AGO3: variants seen among roughly 807,000 people sequenced by gnomAD.
The protein encoded by AGO3 is argonaute RISC catalytic component 3.
Under a neutral mutation model 105.5 loss-of-function variants are expected in AGO3, and 16 were observed. The ratio of observed to expected loss-of-function variants is 0.15; its 90% CI spans 0.10 to 0.23. The LOEUF (loss-of-function observed/expected upper bound fraction) is 0.23. AGO3 is among the 10% of genes least tolerant of loss of function. The probability of loss-of-function intolerance (pLI) is 1.00; values close to 1 mark genes in which losing one functional copy is unlikely to be tolerated. For synonymous variants in AGO3, 340 were observed against 367.3 expected (o/e 0.93, Z 0.85); for missense variants, 534 against 1,088.0 (o/e 0.49, Z 7.16).
chr1:36,021,161 T>A (rs1279423626), intron 11 of AGO3, among the ~76,000 whole-genome samples: 1 of 152,126 alleles, frequency 6.6e-6, no homozygotes, highest in African/African-American at 2.4e-5. Flanking sequence ...CTCGAACTCC[T>A]GACCTTGTGA....
At chr1:35,969,833 C>A (rs1404804538) in intron 3 of AGO3, among the ~76,000 whole-genome samples, 1 of 152,134 alleles carries the variant, frequency 6.6e-6, no homozygotes, top group Non-Finnish European at 1.5e-5. Context: ...ATACTGTAGG[C>A]ACTTGTAAGA....
At chr1:35,941,957 TAAGA>T (rs1217074813) in intron 1 of AGO3, among the ~76,000 whole-genome samples, 2 of 152,216 alleles carry the variant, frequency 1.3e-5, no homozygotes, top group African/African-American at 2.4e-5. Context: ...ACAAGTTTCA[TAAGA>T]AAGAGGCAGA....
chr1:35,958,389 AAG>A (rs1384079570), intron 2 of AGO3, among the ~76,000 whole-genome samples: 1 of 151,858 alleles, frequency 6.6e-6, no homozygotes, highest in Non-Finnish European at 1.5e-5. Flanking sequence ...ATAAAAAAAA[AAG>A]AAAAATTTTT....
chr1:36,034,665 T>A (rs1267046605), intron 13 of AGO3, among the ~76,000 whole-genome samples: 2 of 152,224 alleles, frequency 1.3e-5, no homozygotes, highest in East Asian at 3.8e-4. Context: ...GTATGCAAAG[T>A]ACCTCTTACC....
chr1:35,973,023 A>G (rs1646896654), intron 4 of AGO3, among the ~76,000 whole-genome samples: 1 of 151,766 alleles, frequency 6.6e-6, no homozygotes, highest in African/African-American at 2.4e-5. Flanking sequence ...AAAGAAAAAT[A>G]GTATGTCTTG....
intron 17 of AGO3, among the ~76,000 whole-genome samples, chr1:36,044,547 C>T (rs1642384375): frequency 6.6e-6 from 1 of 152,118 alleles, no homozygotes; most frequent in South Asian, 2.1e-4. Context: ...CCTCAGCCTC[C>T]CTAGTAGCTG....
intron 9 of AGO3, among the ~76,000 whole-genome samples, chr1:36,012,517 A>G (rs1640668895): frequency 6.6e-6 from 1 of 152,132 alleles, no homozygotes. Context: ...TGGCTTTCTT[A>G]TCTGTCTTTA....
At position 36,027,841 on chromosome 1, in the gene AGO3, G is replaced by T. The variant is rs1451210543; in HGVS notation, c.1591+543G>T. Among the ~76,000 whole-genome samples, 1 of 151,760 alleles carries T rather than the reference G, an allele frequency of 6.6e-6. No individual in the cohort carries two copies. Among genetic ancestry groups the T allele is most frequent in the Middle Eastern group, 3.5e-3 (1 of 288 alleles). ...CATTACATAACAATGGCTAAAGAAAGAATTATTGAATAAAAATGGCATTGA... is the reference window on the plus strand; with the variant it reads ...CATTACATAACAATGGCTAAAGAAATAATTATTGAATAAAAATGGCATTGA... On this transcript the variant is annotated intron_variant, in intron 12 of 18. Coordinates refer to ENST00000373191, the MANE Select transcript of AGO3 (RefSeq NM_024852.4). This position sits in a 1 kb window ranked among gnomAD's most constrained non-coding sequence, Gnocchi z 4.0.
intron 2 of AGO3, among the ~76,000 whole-genome samples, chr1:35,951,952 G>A (rs547215096): frequency 1.4e-4 from 21 of 152,020 alleles, no homozygotes; most frequent in African/African-American, 4.6e-4. Flanking sequence ...TTGCCAGAGA[G>A]GATGTACAGC....
intron 11 of AGO3, among the ~76,000 whole-genome samples, chr1:36,015,289 G>T (rs887973353): frequency 1.3e-5 from 2 of 152,178 alleles, no homozygotes; most frequent in Non-Finnish European, 2.9e-5. Flanking sequence ...GAGGTATGGG[G>T]ACGGAGTGTG....
In AGO3 at chr1:36,027,773, C is replaced by T. The variant is rs113930079; in HGVS notation, c.1591+475C>T. ...CAGCCTGGGCGACAGAGCGAAAGTC[C>T]GTCTCAAAAAAAAAAAAAAAGGGTT... On this transcript the variant is annotated intron_variant, in intron 12 of 18. Transcript: ENST00000373191. This position sits in a 1 kb window ranked among gnomAD's most constrained non-coding sequence, Gnocchi z 4.0. Among the ~76,000 whole-genome samples, 2 of 146,068 alleles carry T rather than the reference C, an allele frequency of 1.4e-5. No homozygotes were observed. The highest frequency in any genetic ancestry group is 3.9e-4 in the East Asian group (2 of 5,068).
chr1:35,963,702 A>G (rs1386792502), intron 2 of AGO3, among the ~76,000 whole-genome samples: 9 of 152,152 alleles, frequency 5.9e-5, no homozygotes, highest in Non-Finnish European at 1.5e-5. Flanking sequence ...TAAAAAAGAA[A>G]AACTTAAAAT....
In AGO3 at chr1:36,040,319, G is replaced by T; in HGVS notation, c.2050G>T (p.Glu684Ter). 1 of 1,613,190 alleles carries T rather than the reference G, an allele frequency of 6.2e-7. No homozygotes were observed. The highest frequency in any genetic ancestry group is 1.1e-5 in the South Asian group (1 of 91,044). ...TCATATTCTCTAGGTATTATATTAT[G>T]AACTACTAGCAATTCGAGAAGCCTG... ...EGQFRQVLYY[E>*]LLAIREACIS... The change falls in exon 16 of 19, where the codon GAA becomes TAA. Residue 684 changes from glutamate to a stop codon, truncating the protein, a stop_gained. Coordinates refer to ENST00000373191, the MANE Select transcript of AGO3 (RefSeq NM_024852.4). LOFTEE classifies it high-confidence loss of function.
At chr1:35,954,506 A>C (rs1355168556) in intron 2 of AGO3, among the ~76,000 whole-genome samples, 1 of 152,194 alleles carries the variant, frequency 6.6e-6, no homozygotes, top group Non-Finnish European at 1.5e-5. Context: ...ACTTAAATCT[A>C]TTTAAACCAT....
chr1:35,999,297 G>A (rs1639979902), intron 5 of AGO3, among the ~76,000 whole-genome samples: 1 of 152,004 alleles, frequency 6.6e-6, no homozygotes, highest in Non-Finnish European at 1.5e-5. Context: ...CCGAGATTAC[G>A]CCACTGCACT....
intron 1 of AGO3, among the ~76,000 whole-genome samples, chr1:35,942,145 A>T (rs1026983367): frequency 3.3e-4 from 51 of 152,286 alleles, no homozygotes; most frequent in African/African-American, 1.2e-3. Flanking sequence ...AGAGATTTTT[A>T]AAAAAACACA....
Position 36,013,890 on chromosome 1 carries a change from A to G in AGO3, c.1273-25A>G, listed in dbSNP as rs770046148. The G allele has an allele frequency of 6.9e-6, 11 of 1,601,650 alleles. No homozygotes were observed. In the South Asian group the frequency reaches 1.1e-4, roughly 16 times the overall value. On this transcript the variant is annotated intron_variant, in intron 10 of 18. Coordinates refer to ENST00000373191, the MANE Select transcript of AGO3 (RefSeq NM_024852.4). ...TTGAAAATTTTTGTTCTTTTTCACC[A>G]TGTTATTTTTTTCTCCTCGTGTAGA...
chr1:35,994,993 G>A (rs1648139893), intron 5 of AGO3, among the ~76,000 whole-genome samples: 1 of 151,804 alleles, frequency 6.6e-6, no homozygotes, highest in East Asian at 1.9e-4. Flanking sequence ...GAGCTCAGGA[G>A]TTTGCGACCA....
At chr1:35,932,516 G>C (rs1646070927) in intron 1 of AGO3, among the ~76,000 whole-genome samples, 1 of 151,130 alleles carries the variant, frequency 6.6e-6, no homozygotes, top group Non-Finnish European at 1.5e-5. Context: ...TTGCAAAAAA[G>C]CACTCAAACT....
Sources: gnomAD v4.1 joint callset for allele counts (sites outside exome capture counted in the v4.1 genomes callset) on GRCh38, gnomAD v4.1.1 for gene constraint, Gnocchi (gnomAD v3.1) non-coding constraint, MANE v1.5 for transcripts, NCBI Gene and HGNC (gene_info 2026-07-23, HGNC 2026-07-21) for gene names.